PDE2A: variants seen among roughly 807,000 people sequenced by gnomAD.
The protein encoded by PDE2A is cGMP-dependent 3',5'-cyclic phosphodiesterase.
Under a neutral mutation model 133.6 loss-of-function variants are expected in PDE2A, and 53 were observed. The observed-to-expected ratio is 0.40, with a 90% CI of 0.32 to 0.50. The LOEUF is 0.50. Among genes scored for constraint, PDE2A ranks in the 20% least tolerant of loss-of-function variants. The pLI, the probability that PDE2A is intolerant of heterozygous loss-of-function variation, is 0.73. For synonymous variants in PDE2A, 491 were observed against 490.2 expected (o/e 1.00, Z -0.02); for missense variants, 796 against 1,232.4 (o/e 0.65, Z 5.30).
At chr11:72,671,374 C>T (rs1399912049) in intron 1 of PDE2A, among the ~76,000 whole-genome samples, 2 of 152,154 alleles carry the variant, frequency 1.3e-5, no homozygotes, top group Non-Finnish European at 2.9e-5. Flanking sequence ...ATTTCATAGG[C>T]CCAAGCAGCA....
intron 2 of PDE2A, among the ~76,000 whole-genome samples, chr11:72,630,026 G>C (rs1317101560): frequency 6.6e-6 from 1 of 152,042 alleles, no homozygotes; most frequent in Non-Finnish European, 1.5e-5. Flanking sequence ...ACCCTCCTCT[G>C]TGCCGATCTT....
At position 72,586,127 on chromosome 11, in the gene PDE2A, G is replaced by T; in HGVS notation, c.1125C>A (p.Thr375=). The T allele has an allele frequency of 6.2e-7, 1 of 1,613,218 alleles. No homozygotes were observed. Among genetic ancestry groups the T allele is most frequent in the East Asian group, 2.2e-5 (1 of 44,870 alleles). The part of the protein sequence containing the change: ...VIQHCFHYTS[T]VLTSTLAFQK... ...GGAAGGCCAGGGTGCTGGTGAGCAC[G>T]GTGCTGGTGTAGTGGAAGCAGTGCT... The change falls in exon 14 of 31, where the codon ACC becomes ACA. Residue 375 remains threonine, a synonymous_variant. Coordinates refer to ENST00000334456, the MANE Select transcript of PDE2A (RefSeq NM_002599.5).
At position 72,605,084 on chromosome 11, in the gene PDE2A, C is replaced by G. The variant is rs1856912786; in HGVS notation, c.323+54G>C. On this transcript the variant is annotated intron_variant, in intron 4 of 30. Transcript: ENST00000334456. Reference sequence around the variant, plus strand: ...AGATGACCTTGGATGGTGCCTCAGCCCTGAGAATCCTTGGCCATGCAAGAG... The same window carrying G: ...AGATGACCTTGGATGGTGCCTCAGCGCTGAGAATCCTTGGCCATGCAAGAG... 1.3e-5 allele frequency: 15 copies of G among 1,170,014 alleles called. No homozygotes were observed. The East Asian group carries it at 3.4e-4, about 26-fold the overall frequency. The allele number at this position is 1,170,014 out of a possible 1,614,324, so 72.5% of individuals were successfully genotyped here. A position where few individuals can be genotyped will look rare whatever the true frequency, so the allele number is the denominator to read the frequency against.
chr11:72,607,502 C>T (rs764570576), intron 3 of PDE2A, among the ~76,000 whole-genome samples: 19 of 152,144 alleles, frequency 1.2e-4, no homozygotes, highest in Non-Finnish European at 2.1e-4. Flanking sequence ...CACCCACTTC[C>T]TACCAATTTC....
intron 3 of PDE2A, among the ~76,000 whole-genome samples, chr11:72,606,016 G>T (rs1270471876): frequency 6.6e-6 from 1 of 152,038 alleles, no homozygotes; most frequent in African/African-American, 2.4e-5. Context: ...AGGGAGACGT[G>T]AGCAGATTTG....
chr11:72,623,636 C>A (rs766303359), intron 2 of PDE2A, among the ~76,000 whole-genome samples: 1 of 152,140 alleles, frequency 6.6e-6, no homozygotes. Flanking sequence ...CCTCCCACCC[C>A]ACTAGTGCTG....
rs1425625911 is a variant in PDE2A, at chr11:72,596,480, T to TCACA, written c.489+112_489+113insTGTG. Reference sequence around the variant, plus strand: ...CCATCTCTCTCTCTCTCTCTCTCTCTCTCTCACACACACACACACACACAC... The same window carrying TCACA: ...CCATCTCTCTCTCTCTCTCTCTCTCTCACACTCTCACACACACACACACACACAC... On this transcript the variant is annotated intron_variant, in intron 6 of 30. Transcript: ENST00000334456. 8.0e-5 allele frequency: 19 copies of TCACA among 238,206 alleles called. No homozygotes were observed. The African/African-American group carries it at 8.0e-4, about 10-fold the overall frequency. The allele number at this position is 238,206 out of a possible 1,614,324, so 14.8% of individuals were successfully genotyped here. A position where few individuals can be genotyped will look rare whatever the true frequency, so the allele number is the denominator to read the frequency against.
intron 6 of PDE2A, among the ~76,000 whole-genome samples, chr11:72,593,069 G>T (rs538117032): frequency 6.6e-6 from 1 of 151,976 alleles, no homozygotes; most frequent in Admixed American, 6.6e-5. Flanking sequence ...TTCTCGGGCT[G>T]CCTTGGCCTA....
In PDE2A at chr11:72,597,466, CTCCCTG is replaced by C; in HGVS notation, c.433+38_433+43del. 1.9e-6 allele frequency: 2 copies of C among 1,071,272 alleles called. No homozygotes were observed. The highest frequency in any genetic ancestry group is 2.7e-6 in the Non-Finnish European group (2 of 739,278). The allele number at this position is 1,071,272 out of a possible 1,614,324, so 66.4% of individuals were successfully genotyped here. On this transcript the variant is annotated intron_variant, in intron 5 of 30. Coordinates refer to ENST00000334456, the MANE Select transcript of PDE2A (RefSeq NM_002599.5). This position sits in a 1 kb window ranked among gnomAD's most constrained non-coding sequence, Gnocchi z 4.6. ...ACCTGGAGTGCAGGGGCCACAGTCC[CTCCCTG>C]CCCCTGCCCCTGCCCCTGCCCAGCC...
At position 72,577,302 on chromosome 11, in the gene PDE2A, T is replaced by C; in HGVS notation, c.*82A>G. ...GTCCTGGTCTAGGACCCAGGACCCGTGGCTCTGTTCCCAGTGCATCTGGCC... is the reference window on the plus strand; with the variant it reads ...GTCCTGGTCTAGGACCCAGGACCCGCGGCTCTGTTCCCAGTGCATCTGGCC... On this transcript the variant is annotated 3_prime_UTR_variant, in exon 31 of 31. Coordinates refer to ENST00000334456, the MANE Select transcript of PDE2A (RefSeq NM_002599.5). 9.6e-7 allele frequency: 1 copy of C among 1,046,670 alleles called. No individual in the cohort carries two copies. Among genetic ancestry groups the C allele is most frequent in the South Asian group, 1.4e-5 (1 of 69,496 alleles). The allele number at this position is 1,046,670 out of a possible 1,614,324, so 64.8% of individuals were successfully genotyped here.
At chr11:72,642,439 G>A in intron 1 of PDE2A, 113 bp from the exon 2 acceptor site, 1 of 1,175,796 alleles carries the variant, frequency 8.5e-7, no homozygotes, top group South Asian at 3.8e-5. Flanking sequence ...GTCCGCGACA[G>A]CTTCGCCTGG....
chr11:72,605,348 G>A (rs1856926368), intron 3 of PDE2A, 122 bp from the exon 4 acceptor site: 1 of 471,032 alleles, frequency 2.1e-6, no homozygotes. Flanking sequence ...CTCTGGCAAT[G>A]ATCTGTTTGT....
chr11:72,589,618 T>A, intron 11 of PDE2A, 133 bp downstream of exon 11: 1 of 771,502 alleles, frequency 1.3e-6, no homozygotes, highest in Non-Finnish European at 2.2e-6. Flanking sequence ...TTCTAAGTAG[T>A]CCCAAGATCC....
At chr11:72,579,792 G>T (rs1855637960) in intron 25 of PDE2A, 184 bp from the exon 26 acceptor site, 2 of 592,928 alleles carry the variant, frequency 3.4e-6, no homozygotes, top group Admixed American at 5.9e-5. Flanking sequence ...TGTGACCCAG[G>T]GTGAGTCCCT....
intron 2 of PDE2A, among the ~76,000 whole-genome samples, chr11:72,629,377 A>T (rs1167751664): frequency 6.6e-6 from 1 of 152,216 alleles, no homozygotes. Context: ...GCTTTGCCAA[A>T]GCCCCCTCTT....
chr11:72,648,302 C>T (rs940298533), intron 1 of PDE2A, among the ~76,000 whole-genome samples: 1 of 152,188 alleles, frequency 6.6e-6, no homozygotes, highest in Non-Finnish European at 1.5e-5. Context: ...GCCAGAGGTG[C>T]TGCCCATGGC....
In PDE2A at chr11:72,605,294, A is replaced by G. The variant is rs568661249; in HGVS notation, c.235-68T>C. ...CCAGCTGCCCAGTCCCAGCCTGTAC[A>G]CAGGGGTCTGTGGGGCAAGGTCATG... On this transcript the variant is annotated intron_variant, in intron 3 of 30. Transcript: ENST00000334456. 1.2e-5 allele frequency: 11 copies of G among 918,676 alleles called. No homozygotes were observed. In the South Asian group the frequency reaches 2.1e-4, roughly 18 times the overall value. The allele number at this position is 918,676 out of a possible 1,614,324, so 56.9% of individuals were successfully genotyped here.
chr11:72,630,858 T>C (rs368110932), intron 2 of PDE2A, among the ~76,000 whole-genome samples: 1 of 151,064 alleles, frequency 6.6e-6, no homozygotes, highest in South Asian at 2.1e-4. Flanking sequence ...CCCAGGTGAG[T>C]TGGGAGGAGG....
chr11:72,618,993 A>G (rs934357044), intron 2 of PDE2A, among the ~76,000 whole-genome samples: 1 of 152,166 alleles, frequency 6.6e-6, no homozygotes, highest in East Asian at 1.9e-4. Context: ...AATCTCTCCT[A>G]CTTTCCTTCC....
Sources: allele counts gnomAD v4.1 joint callset (sites outside exome capture counted in the v4.1 genomes callset), GRCh38; gene constraint gnomAD v4.1.1; non-coding constraint Gnocchi (gnomAD v3.1); transcripts MANE v1.5; gene names NCBI Gene and HGNC (gene_info 2026-07-23, HGNC 2026-07-21).